PRDM5: variants seen among roughly 807,000 people sequenced by gnomAD.
PRDM5 encodes the protein PR domain zinc finger protein 5.
Under a neutral mutation model 81.2 loss-of-function variants are expected in PRDM5, and 56 were observed. That is an observed-to-expected ratio of 0.69 (90% CI 0.56 to 0.86). PRDM5 has a LOEUF of 0.86. Among genes scored for constraint, PRDM5 ranks in the 40% least tolerant of loss-of-function variants. PRDM5 has a pLI of 0.00. For synonymous variants in PRDM5, 267 were observed against 256.4 expected, an observed-to-expected ratio of 1.04 and a Z score of -0.39; for missense variants, 697 against 770.1, an observed-to-expected ratio of 0.91 and a Z score of 1.12.
intron 8 of PRDM5, among the ~76,000 whole-genome samples, chr4:120,800,903 T>G (rs1752033907): frequency 6.6e-6 from 1 of 152,156 alleles, no homozygotes; most frequent in African/African-American, 2.4e-5. Context: ...ATATAAATAT[T>G]AAAACTGAAT....
chr4:120,689,780 A>G (rs1304820923), downstream of PRDM5, among the ~76,000 whole-genome samples: 13 of 151,762 alleles, frequency 8.6e-5, no homozygotes, highest in Non-Finnish European at 1.6e-4. Flanking sequence ...ACACCCAGCT[A>G]ATTTTTGTAT....
At chr4:120,741,570 G>A (rs977808854) in intron 14 of PRDM5, among the ~76,000 whole-genome samples, 4 of 151,868 alleles carry the variant, frequency 2.6e-5, no homozygotes, top group African/African-American at 4.8e-5. Flanking sequence ...GTGGGTGCGC[G>A]CACTGTGCAC....
intron 3 of PRDM5, among the ~76,000 whole-genome samples, chr4:120,835,450 C>A (rs926558574): frequency 2.0e-5 from 3 of 152,142 alleles, no homozygotes; most frequent in African/African-American, 7.2e-5. Flanking sequence ...TTGGTTGTGT[C>A]CCCATCCAAA....
At chr4:120,744,581 A>C (rs1287299736) in intron 14 of PRDM5, among the ~76,000 whole-genome samples, 2 of 152,234 alleles carry the variant, frequency 1.3e-5, no homozygotes, top group African/African-American at 4.8e-5. Context: ...AGACGCAAGA[A>C]AAAATGATAA....
At chr4:120,742,126 C>G (rs1006945913) in intron 14 of PRDM5, among the ~76,000 whole-genome samples, 1 of 152,156 alleles carries the variant, frequency 6.6e-6, no homozygotes, top group Non-Finnish European at 1.5e-5. Context: ...GACCCCTGAC[C>G]CCCCGAGCAG....
At chr4:120,852,945 G>A (rs1225626229) in intron 3 of PRDM5, among the ~76,000 whole-genome samples, 3 of 151,504 alleles carry the variant, frequency 2.0e-5, no homozygotes, top group East Asian at 1.9e-4. Context: ...GATCACAGAC[G>A]TGAGCCACTG....
At chr4:120,832,365 T>G (rs1329099794) in intron 3 of PRDM5, among the ~76,000 whole-genome samples, 2 of 152,090 alleles carry the variant, frequency 1.3e-5, no homozygotes, top group Non-Finnish European at 2.9e-5. Flanking sequence ...CATGATTCAA[T>G]TATCTCTACC....
At chr4:120,688,321 A>C (rs1046874023), downstream of PRDM5, among the ~76,000 whole-genome samples, 2 of 151,550 alleles carry the variant, frequency 1.3e-5, no homozygotes, top group Non-Finnish European at 2.9e-5. Flanking sequence ...CCATTTTTCA[A>C]TTGGGTTGTT....
At chr4:120,789,039 C>A (rs993676303) in intron 10 of PRDM5, among the ~76,000 whole-genome samples, 2 of 152,120 alleles carry the variant, frequency 1.3e-5, no homozygotes, top group African/African-American at 4.8e-5. Flanking sequence ...GAATGCCAAG[C>A]TTTTCACTGA....
chr4:120,840,566 G>T (rs541839485), intron 3 of PRDM5, among the ~76,000 whole-genome samples: 3 of 152,150 alleles, frequency 2.0e-5, no homozygotes, highest in African/African-American at 7.2e-5. Flanking sequence ...GGCCCCAAAA[G>T]TGTGGCCCCA....
rs567396894 is a variant in PRDM5 at position 120,719,982 on chromosome 4, T to C, written c.1624-9569A>G. Reference sequence around the variant, plus strand: ...ATCTCAGAAGTCAGAAACTGTCTTGTATGCCTGCTTTGAGACAACCCAGCG... The same window carrying C: ...ATCTCAGAAGTCAGAAACTGTCTTGCATGCCTGCTTTGAGACAACCCAGCG... On this transcript the variant is annotated intron_variant, in intron 14 of 15. Transcript: ENST00000264808. Among the ~76,000 whole-genome samples, 16 of 152,188 alleles carry C rather than the reference T, an allele frequency of 1.1e-4. No individual in the cohort carries two copies. In the East Asian group the frequency reaches 2.9e-3, roughly 28 times the overall value.
intron 3 of PRDM5, among the ~76,000 whole-genome samples, chr4:120,834,789 C>T (rs975677223): frequency 6.6e-6 from 1 of 152,144 alleles, no homozygotes; most frequent in African/African-American, 2.4e-5. Flanking sequence ...CTCCTCCAAG[C>T]AAGAGAATTT....
chr4:120,847,518 C>T (rs572935891), intron 3 of PRDM5, among the ~76,000 whole-genome samples: 3 of 152,150 alleles, frequency 2.0e-5, no homozygotes, highest in Admixed American at 6.5e-5. Flanking sequence ...ATCAAGTTTT[C>T]CCTGGCTGAC....
chr4:120,721,414 C>T (rs901457832), intron 14 of PRDM5, among the ~76,000 whole-genome samples: 2 of 152,106 alleles, frequency 1.3e-5, no homozygotes, highest in Admixed American at 6.5e-5. Flanking sequence ...GCCTCTAATG[C>T]GCAACCAGAA....
chr4:120,843,689 A>G, intron 3 of PRDM5, among the ~76,000 whole-genome samples: 1 of 150,326 alleles, frequency 6.7e-6, no homozygotes. Context: ...CGGCCTTAAA[A>G]AAAAAAAAAA....
In PRDM5 at chr4:120,695,235, C is replaced by T. The variant is rs769388940; in HGVS notation, c.1769G>A (p.Arg590Gln). Residue 590 changes from arginine (R) to glutamine (Q), a missense_variant, in exon 16 of 16, where the codon CGA becomes CAA. By Grantham distance (43) the Arg-to-Gln change is conservative. Transcript: ENST00000264808. ...ATTGGGATTATGAGTCATCTTGTGT[C>T]GAATCAGCATTTTCTTCAGGCTAAA... The part of the protein sequence containing the change: ...LAFSLKKMLI[R>Q]HKMTHNPNRP... 1.2e-5 allele frequency: 20 copies of T among 1,613,348 alleles called. No homozygotes were observed. The highest frequency in any genetic ancestry group is 1.1e-5 in the South Asian group (1 of 91,068).
chr4:120,799,725 ACAAT>A lies in PRDM5; in HGVS notation c.962_965del (p.Asp321ValfsTer5). The A allele has an allele frequency of 6.2e-7, 1 of 1,612,792 alleles. No homozygotes were observed. Among genetic ancestry groups the A allele is most frequent in the African/African-American group, 1.3e-5 (1 of 75,008 alleles). On this transcript the variant is annotated frameshift_variant, in exon 9 of 16. Transcript: ENST00000264808. LOFTEE classifies it high-confidence loss of function. ...AAATAAATTTCTTCATACATTCTTG[ACAAT>A]CAAATATCTCATGAATCTGCAAAAG...
chr4:120,757,610 C>T (rs892780067), intron 13 of PRDM5, among the ~76,000 whole-genome samples: 1 of 152,156 alleles, frequency 6.6e-6, no homozygotes. Context: ...TCCACCCTCA[C>T]CCAATGTGGG....
At chr4:120,873,138 A>T (rs1212384458) in intron 2 of PRDM5, among the ~76,000 whole-genome samples, 1 of 152,098 alleles carries the variant, frequency 6.6e-6, no homozygotes, top group Non-Finnish European at 1.5e-5. Flanking sequence ...AGTAGCTGGG[A>T]CTACAGACAT....
Sources: gnomAD v4.1 joint callset for allele counts (sites outside exome capture counted in the v4.1 genomes callset) on GRCh38, gnomAD v4.1.1 for gene constraint, MANE v1.5 for transcripts, NCBI Gene and HGNC (gene_info 2026-07-23, HGNC 2026-07-21) for gene names.